SH3KBP1: variants seen among roughly 807,000 people sequenced by gnomAD.
SH3KBP1 encodes SH3 domain-containing kinase-binding protein 1.
A neutral mutation model predicts 50.1 loss-of-function variants in SH3KBP1; 8 were observed. That is an observed-to-expected ratio of 0.16 (90% CI 0.09 to 0.29). The LOEUF (loss-of-function observed/expected upper bound fraction) is 0.29, where lower values mean the gene tolerates loss of function less well. SH3KBP1 is among the 10% of genes least tolerant of loss of function. SH3KBP1 has a pLI of 1.00. For missense variants in SH3KBP1, 377 were observed against 535.2 expected, an observed-to-expected ratio of 0.70 and a Z score of 2.92; for synonymous variants, 227 against 218.6, an observed-to-expected ratio of 1.04 and a Z score of -0.34.
chrX:19,749,023 C>A (rs770729626), intron 2 of SH3KBP1, among the ~76,000 whole-genome samples: 1 of 112,354 alleles, frequency 8.9e-6, no homozygotes, highest in East Asian at 2.8e-4. Context: ...ATACAAGTGG[C>A]TAATGAGCAT....
intron 2 of SH3KBP1, among the ~76,000 whole-genome samples, chrX:19,788,901 G>A (rs762797983): frequency 1.2e-4 from 14 of 112,400 alleles, no homozygotes; most frequent in Admixed American, 8.4e-4. Context: ...CTAGGCGGGC[G>A]GATCACGAGG....
chrX:19,785,476 C>A (rs901606110), intron 2 of SH3KBP1, among the ~76,000 whole-genome samples: 1 of 110,895 alleles, frequency 9.0e-6, no homozygotes, highest in Admixed American at 9.6e-5. Context: ...TGCAGTGAGC[C>A]AAGATTGCGC....
chrX:19,621,241 ATTTT>A lies in SH3KBP1; in HGVS notation c.897+10619_897+10622del, dbSNP rs35328957. On this transcript the variant is annotated intron_variant, in intron 8 of 17. Coordinates refer to ENST00000397821, the MANE Select transcript of SH3KBP1 (RefSeq NM_031892.3). The stretch of plus-strand genomic sequence containing the variant: ...AGGTGCCCGCCACCACACCTGGCTA[ATTTT>A]TTTTTTTTTTTTTTTTTGTATTTTT... Among the ~76,000 whole-genome samples the A allele has an allele frequency of 3.2e-3, 207 of 64,562 alleles. 4 individuals are homozygous for A. Among genetic ancestry groups the A allele is most frequent in the African/African-American group, 0.011 (190 of 17,382 alleles). 56.1% of individuals were successfully genotyped at this position (64,562 alleles called of 115,157 possible). A position where few individuals can be genotyped will look rare whatever the true frequency, so the allele number is the denominator to read the frequency against.
intron 6 of SH3KBP1, among the ~76,000 whole-genome samples, chrX:19,678,179 G>A (rs751385135): frequency 1.8e-5 from 2 of 111,549 alleles, no homozygotes; most frequent in African/African-American, 3.3e-5. Flanking sequence ...GAAATAAAAC[G>A]TATGCACAGA....
At chrX:19,757,478 C>T (rs1421822272) in intron 2 of SH3KBP1, among the ~76,000 whole-genome samples, 2 of 109,273 alleles carry the variant, frequency 1.8e-5, no homozygotes, top group African/African-American at 3.3e-5. Flanking sequence ...TGTTCTCCTG[C>T]CCCATTTTGT....
intron 9 of SH3KBP1, chrX:19,601,767 C>T (rs1172337298): frequency 9.0e-6 from 1 of 111,038 alleles, no homozygotes; most frequent in Non-Finnish European, 1.9e-5. Context: ...AACAGCCACA[C>T]CTTTGAAATG....
intron 13 of SH3KBP1, among the ~76,000 whole-genome samples, chrX:19,556,874 G>A: frequency 9.0e-6 from 1 of 110,624 alleles, no homozygotes; most frequent in South Asian, 3.9e-4. Context: ...ATCTTGCTAT[G>A]TTGCCCAGGC....
intron 2 of SH3KBP1, among the ~76,000 whole-genome samples, chrX:19,787,287 C>T (rs1474464952): frequency 8.9e-6 from 1 of 111,985 alleles, no homozygotes; most frequent in Admixed American, 9.5e-5. Flanking sequence ...CAGCTATTGC[C>T]TATTCTATTT....
rs181389476 is a variant in SH3KBP1 at position 19,735,594 on chromosome X, A to T, written c.286+10724T>A. ...TGGTTATTTAGGAGCATACTGCTTA[A>T]TTTCTATGTAATTGTGAATTTCCCC... On this transcript the variant is annotated intron_variant, in intron 3 of 17. Transcript: ENST00000397821. 2.1e-4 allele frequency among the ~76,000 whole-genome samples: 23 copies of T among 109,098 alleles called. No homozygotes were observed. In the East Asian group the frequency reaches 6.3e-3, roughly 30 times the overall value. 94.7% of individuals were successfully genotyped at this position (109,098 alleles called of 115,157 possible).
chrX:19,769,369 G>C (rs1385413618), intron 2 of SH3KBP1, among the ~76,000 whole-genome samples: 2 of 110,230 alleles, frequency 1.8e-5, no homozygotes, highest in Non-Finnish European at 3.8e-5. Flanking sequence ...CTCCCAAAGT[G>C]CTGGGATTAC....
At chrX:19,579,198 C>T (rs191606446) in intron 12 of SH3KBP1, among the ~76,000 whole-genome samples, 2 of 111,952 alleles carry the variant, frequency 1.8e-5, no homozygotes, top group African/African-American at 6.5e-5. Context: ...CACTCAATTC[C>T]CCTCCAAATT....
At chrX:19,697,148 T>C (rs2063434522) in intron 4 of SH3KBP1, among the ~76,000 whole-genome samples, 1 of 111,948 alleles carries the variant, frequency 8.9e-6, no homozygotes, top group African/African-American at 3.2e-5. Context: ...TGCTGTTTGG[T>C]AGGTTAGGTG....
At chrX:19,853,502 C>T (rs953656458) in intron 1 of SH3KBP1, among the ~76,000 whole-genome samples, 1 of 111,055 alleles carries the variant, frequency 9.0e-6, no homozygotes, top group Non-Finnish European at 1.9e-5. Context: ...TGGAAGCACA[C>T]CCTGCGAGGA....
In SH3KBP1 at chrX:19,534,362, T is replaced by C. The variant is rs1453212364; in HGVS notation, c.*2055A>G. The C allele has an allele frequency of 1.8e-5, 2 of 111,181 alleles. No homozygotes were observed. The highest frequency in any genetic ancestry group is 3.8e-5 in the Non-Finnish European group (2 of 53,161). 9.2% of individuals were successfully genotyped at this position (111,181 alleles called of 1,213,427 possible). On this transcript the variant is annotated 3_prime_UTR_variant, in exon 18 of 18. Transcript: ENST00000397821. ...TCTATGAGGGGGAAGACATCAGCTC[T>C]CTACATTCCATGTTGCCAGTGTTCC...
Position 19,588,657 on chromosome X carries a change from C to G in SH3KBP1, c.1284G>C (p.Pro428=), listed in dbSNP as rs145308311. 3 of 1,206,824 alleles carry G rather than the reference C, an allele frequency of 2.5e-6. No individual in the cohort carries two copies. Among genetic ancestry groups the G allele is most frequent in the Non-Finnish European group, 3.4e-6 (3 of 893,724 alleles). ...PPRRPERPVG[P]LTHTRGDSPK... ...CACAGCAGTACCTGGTGTGTGTCAG[C>G]GGACCCACCGGTCTCTCCGGCCTTC... Residue 428 remains proline, a synonymous_variant, in exon 12 of 18, where the codon CCG becomes CCC. Transcript: ENST00000397821.
At chrX:19,577,628 G>A (rs984510012) in intron 12 of SH3KBP1, among the ~76,000 whole-genome samples, 2 of 110,628 alleles carry the variant, frequency 1.8e-5, no homozygotes, top group African/African-American at 6.6e-5. Context: ...TTTAGCCTGC[G>A]TTGGGACAGT....
At chrX:19,561,272 A>G (rs1343222653) in intron 13 of SH3KBP1, among the ~76,000 whole-genome samples, 1 of 110,095 alleles carries the variant, frequency 9.1e-6, no homozygotes, top group Admixed American at 9.8e-5. Context: ...GAGTCCCCCA[A>G]AACTGCTAGA....
chrX:19,623,396 T>C (rs2067908214), intron 8 of SH3KBP1, among the ~76,000 whole-genome samples: 1 of 112,324 alleles, frequency 8.9e-6, no homozygotes, highest in South Asian at 3.7e-4. Flanking sequence ...GACTTAAAAG[T>C]GTATCCCCGC....
intron 5 of SH3KBP1, chrX:19,694,993 A>C: frequency 1.2e-5 from 14 of 1,196,806 alleles, no homozygotes; most frequent in Non-Finnish European, 1.6e-5. Context: ...CCCGGTCCTG[A>C]CCTTTTGCTC....
Sources: gnomAD v4.1 joint callset for allele counts (sites outside exome capture counted in the v4.1 genomes callset) on GRCh38, gnomAD v4.1.1 for gene constraint, MANE v1.5 for transcripts, NCBI Gene and HGNC (gene_info 2026-07-23, HGNC 2026-07-21) for gene names.